Variants in AK5 observed in about 807,000 individuals in gnomAD.
AK5 encodes adenylate kinase isoenzyme 5.
Under a neutral mutation model 69.5 loss-of-function variants are expected in AK5, and 27 were observed. The observed-to-expected ratio is 0.39, with a 90% CI of 0.29 to 0.54. The LOEUF is 0.54. Among genes scored for constraint, AK5 ranks in the 20% least tolerant of loss-of-function variants. The pLI, the probability that AK5 is intolerant of heterozygous loss-of-function variation, is 0.71. For missense variants in AK5, 531 were observed against 700.4 expected (o/e 0.76, Z 2.73); for synonymous variants, 260 against 244.4 (o/e 1.06, Z -0.60).
chr1:77,493,325 G>C (rs1260633838), intron 10 of AK5, among the ~76,000 whole-genome samples: 1 of 145,010 alleles, frequency 6.9e-6, no homozygotes. Context: ...TTGGACACCA[G>C]CAGCCCCCCC....
chr1:77,425,947 A>G (rs1291372052), intron 8 of AK5, among the ~76,000 whole-genome samples: 1 of 152,194 alleles, frequency 6.6e-6, no homozygotes, highest in African/African-American at 2.4e-5. Flanking sequence ...AAATTTCAGG[A>G]CAACCAATTT....
At chr1:77,309,224 G>T (rs761590024) in intron 5 of AK5, among the ~76,000 whole-genome samples, 2 of 151,870 alleles carry the variant, frequency 1.3e-5, no homozygotes, top group East Asian at 3.9e-4. Flanking sequence ...CATCCTGCAC[G>T]TGTCCTGGAA....
intron 5 of AK5, among the ~76,000 whole-genome samples, chr1:77,323,668 A>T (rs1660645654): frequency 6.6e-6 from 1 of 152,230 alleles, no homozygotes. Context: ...TTATAATTTA[A>T]TAATAAGCCT....
At chr1:77,282,712 C>T (rs1658130180) in intron 1 of AK5, 22 of 1,079,674 alleles carry the variant, frequency 2.0e-5, no homozygotes, top group Admixed American at 1.1e-4. Flanking sequence ...GGGGCGAGGG[C>T]CAGGTCAGGT....
At chr1:77,408,338 G>A (rs113145537) in intron 6 of AK5, among the ~76,000 whole-genome samples, 13,589 of 152,138 alleles carry the variant, frequency 0.089, 818 homozygotes, top group African/African-American at 0.16. Flanking sequence ...ACTGGTGTGA[G>A]ATGGTATCTC....
intron 6 of AK5, among the ~76,000 whole-genome samples, chr1:77,385,285 G>A (rs987052547): frequency 4.6e-5 from 7 of 151,894 alleles, no homozygotes; most frequent in African/African-American, 4.8e-5. Context: ...TCAGCCTCCC[G>A]AGTAGCTGGG....
In AK5 at chr1:77,340,431, G is replaced by A. The variant is rs1250918521; in HGVS notation, c.754G>A (p.Glu252Lys). Reference sequence around the variant, plus strand: ...GGCTTGTGCTAATCAGAGACTCAAAGAAAGATTACTGAAGCGTGCAGAACA... The same window carrying A: ...GGCTTGTGCTAATCAGAGACTCAAAAAAAGATTACTGAAGCGTGCAGAACA... ...FLACANQRLKERLLKRAEQQG... is the reference protein window; with the variant it reads ...FLACANQRLKKRLLKRAEQQG... Residue 252 changes from glutamate (E) to lysine (K), a missense_variant, in exon 6 of 14, where the codon GAA becomes AAA. Glu to Lys is a moderately conservative substitution (Grantham distance 56, BLOSUM62 1). Transcript: ENST00000354567. The A allele has an allele frequency of 6.2e-7, 1 of 1,613,984 alleles. No individual in the cohort carries two copies. Among genetic ancestry groups the A allele is most frequent in the Non-Finnish European group, 8.5e-7 (1 of 1,179,972 alleles).
intron 8 of AK5, among the ~76,000 whole-genome samples, chr1:77,447,279 A>T (rs1271926677): frequency 6.6e-6 from 1 of 152,260 alleles, no homozygotes; most frequent in African/African-American, 2.4e-5. Context: ...AAAAAGTCAG[A>T]AATGTCCTTC....
At chr1:77,300,202 C>T (rs1334244829) in intron 5 of AK5, among the ~76,000 whole-genome samples, 2 of 152,300 alleles carry the variant, frequency 1.3e-5, no homozygotes, top group South Asian at 2.1e-4. Flanking sequence ...GATCAATCTA[C>T]ATCTTCTCTT....
At chr1:77,348,127 G>C (rs1234816980) in intron 6 of AK5, among the ~76,000 whole-genome samples, 1 of 151,944 alleles carries the variant, frequency 6.6e-6, no homozygotes, top group Non-Finnish European at 1.5e-5. Context: ...ATATTTTTCT[G>C]TTGATTTTAT....
In AK5 at chr1:77,297,316, C is replaced by T. The variant is rs1659067562; in HGVS notation, c.416-243C>T. 2.6e-5 allele frequency among the ~76,000 whole-genome samples: 4 copies of T among 152,090 alleles called. No homozygotes were observed. The South Asian group carries it at 8.3e-4, about 31-fold the overall frequency. On this transcript the variant is annotated intron_variant, in intron 3 of 13. Transcript: ENST00000354567. Reference sequence around the variant, plus strand: ...AAAAATTTTTTTAATTAGCTATTTGCTCAAATAGGTAGAGGAAAAACCTGT... The same window carrying T: ...AAAAATTTTTTTAATTAGCTATTTGTTCAAATAGGTAGAGGAAAAACCTGT...
chr1:77,511,308 A>G (rs1247426276), intron 10 of AK5, among the ~76,000 whole-genome samples: 4 of 152,218 alleles, frequency 2.6e-5, no homozygotes, highest in African/African-American at 7.2e-5. Context: ...TGGACAAAAA[A>G]GAGGGTATCA....
chr1:77,557,984 C>CATACAATATGT (rs891959876), intron 13 of AK5, among the ~76,000 whole-genome samples: 1 of 150,718 alleles, frequency 6.6e-6, no homozygotes, highest in Non-Finnish European at 1.5e-5. Flanking sequence ...TAATTGGAAC[C>CATACAATATGT]ATACAATATG....
intron 13 of AK5, 145 bp downstream of exon 13, chr1:77,536,183 CAGCA>C: frequency 3.3e-6 from 3 of 914,886 alleles, no homozygotes; most frequent in Non-Finnish European, 4.8e-6. Flanking sequence ...CCAAAAGGCC[CAGCA>C]CAGTGGCTTA....
At chr1:77,511,482 T>G (rs1290431211) in intron 10 of AK5, among the ~76,000 whole-genome samples, 3 of 152,170 alleles carry the variant, frequency 2.0e-5, no homozygotes, top group African/African-American at 7.2e-5. Context: ...AGTCTTCATC[T>G]TAGTGAGTAA....
intron 5 of AK5, among the ~76,000 whole-genome samples, chr1:77,305,168 T>C (rs1570347567): frequency 6.6e-6 from 1 of 152,288 alleles, no homozygotes; most frequent in Non-Finnish European, 1.5e-5. Flanking sequence ...CTTTTGCCTG[T>C]CTTTTGATTA....
chr1:77,447,381 A>G (rs1196350482), intron 8 of AK5, among the ~76,000 whole-genome samples: 2 of 152,262 alleles, frequency 1.3e-5, no homozygotes, highest in Non-Finnish European at 2.9e-5. Context: ...CTCTGAAGAC[A>G]TAAAAGTGAA....
At chr1:77,455,275 G>A (rs1653406071) in intron 8 of AK5, among the ~76,000 whole-genome samples, 1 of 152,138 alleles carries the variant, frequency 6.6e-6, no homozygotes, top group Non-Finnish European at 1.5e-5. Flanking sequence ...TCACCAATAT[G>A]ACCGTGTTGG....
chr1:77,429,710 C>T (rs556277181), intron 8 of AK5, among the ~76,000 whole-genome samples: 15 of 152,250 alleles, frequency 9.9e-5, no homozygotes, highest in East Asian at 9.7e-4. Context: ...CCGCCCGCCT[C>T]GGCCTCCAAA....
Sources: gnomAD v4.1 joint callset for allele counts (sites outside exome capture counted in the v4.1 genomes callset) on GRCh38, gnomAD v4.1.1 for gene constraint, MANE v1.5 for transcripts, NCBI Gene and HGNC (gene_info 2026-07-23, HGNC 2026-07-21) for gene names.